The following DCAF6 variants were observed in gnomAD, a reference collection of about 807,000 sequenced individuals.
The protein encoded by DCAF6 is DDB1 and CUL4 associated factor 6.
DCAF6 carries 54 observed loss-of-function variants against 125.1 expected under a neutral mutation model. That is an observed-to-expected ratio of 0.43 (90% CI 0.35 to 0.54). The LOEUF (loss-of-function observed/expected upper bound fraction) is 0.54. Ranked by LOEUF, DCAF6 falls within the 20% of genes least tolerant of loss-of-function variation. The pLI is 0.01. For missense variants in DCAF6, 934 were observed against 1,161.7 expected (o/e 0.80, Z 2.85); for synonymous variants, 371 against 390.4 (o/e 0.95, Z 0.58).
chr1:167,950,219 A>G (rs1174970347), intron 1 of DCAF6, among the ~76,000 whole-genome samples: 1 of 152,348 alleles, frequency 6.6e-6, no homozygotes, highest in Non-Finnish European at 1.5e-5. Flanking sequence ...AATTGCTGTC[A>G]TATTGTTAAT....
chr1:167,950,785 G>C (rs975895991), intron 1 of DCAF6, among the ~76,000 whole-genome samples: 2 of 152,018 alleles, frequency 1.3e-5, no homozygotes, highest in African/African-American at 4.8e-5. Flanking sequence ...ATCTGTGTTT[G>C]GTAAAGATGA....
At chr1:167,895,930 G>A in the DCAF6 span, among the ~76,000 whole-genome samples, 1 of 152,156 alleles carries the variant, frequency 6.6e-6, no homozygotes, top group African/African-American at 2.4e-5. Context: ...CTGAAAATAG[G>A]TGATTTGAGA....
chr1:168,017,487 G>A (rs770904428), intron 11 of DCAF6, among the ~76,000 whole-genome samples: 2 of 151,996 alleles, frequency 1.3e-5, no homozygotes, highest in African/African-American at 4.8e-5. Context: ...ACTAGTTCAC[G>A]GATTTGAATT....
chr1:167,929,368 A>T, the DCAF6 span, among the ~76,000 whole-genome samples: 1 of 148,668 alleles, frequency 6.7e-6, no homozygotes, highest in Non-Finnish European at 1.5e-5. Flanking sequence ...TCGAAAAAAG[A>T]AAAAAAAAAG....
intron 12 of DCAF6, among the ~76,000 whole-genome samples, chr1:168,029,222 T>A (rs1300536297): frequency 6.6e-6 from 1 of 152,244 alleles, no homozygotes; most frequent in East Asian, 1.9e-4. Context: ...TGACATTTAT[T>A]GAGTTTTTTG....
the DCAF6 span, among the ~76,000 whole-genome samples, chr1:167,891,278 C>T: frequency 2.6e-5 from 4 of 151,854 alleles, no homozygotes; most frequent in African/African-American, 4.8e-5. Flanking sequence ...ATTTAATCTG[C>T]CACACTCTCC....
At chr1:167,930,208 T>G in the DCAF6 span, among the ~76,000 whole-genome samples, 2 of 152,212 alleles carry the variant, frequency 1.3e-5, no homozygotes, top group African/African-American at 2.4e-5. Flanking sequence ...AGATAATGTT[T>G]TTAAAAATGT....
intron 6 of DCAF6, 48 bp from the exon 7 acceptor site, chr1:167,993,178 T>C (rs865966002): frequency 6.7e-7 from 1 of 1,495,150 alleles, no homozygotes; most frequent in Middle Eastern, 1.8e-4. Flanking sequence ...AAAAATGTTT[T>C]TCTTTAAAAC....
chr1:168,036,377 C>T (rs191551350), intron 12 of DCAF6, among the ~76,000 whole-genome samples: 9 of 152,350 alleles, frequency 5.9e-5, no homozygotes, highest in East Asian at 5.8e-4. Context: ...TTCAGTCTTA[C>T]ACTTCTCTCA....
the DCAF6 span, among the ~76,000 whole-genome samples, chr1:167,897,603 G>A: frequency 5.3e-3 from 108 of 20,456 alleles, 54 homozygotes; most frequent in African/African-American, 0.02. Flanking sequence ...AACCAGAGAT[G>A]TGTGTGACAA....
At chr1:167,896,743 C>A in the DCAF6 span, 1 of 1,261,324 alleles carries the variant, frequency 7.9e-7, no homozygotes, top group South Asian at 1.2e-5. Context: ...CTGTTTAATC[C>A]TTTGAAGTGT....
Position 167,963,418 on chromosome 1 carries a change from T to C in DCAF6, c.160-3211T>C, listed in dbSNP as rs1359606345. On this transcript the variant is annotated intron_variant, in intron 2 of 21. Transcript: ENST00000367840. ...TTTTTGTTTTCCATTCTTCTGCCTTTTGTGTTTTTTTTGTTTCTGTTTTTT... is the reference window on the plus strand; with the variant it reads ...TTTTTGTTTTCCATTCTTCTGCCTTCTGTGTTTTTTTTGTTTCTGTTTTTT... 2.1e-5 allele frequency among the ~76,000 whole-genome samples: 3 copies of C among 146,264 alleles called. 1 individual carries two copies. The highest frequency in any genetic ancestry group is 1.4e-4 in the Admixed American group (2 of 13,948).
At chr1:168,057,602 T>C (rs1385937376) in intron 17 of DCAF6, among the ~76,000 whole-genome samples, 1 of 152,214 alleles carries the variant, frequency 6.6e-6, no homozygotes, top group Non-Finnish European at 1.5e-5. Context: ...AAACCTGTTA[T>C]GTGCTAGATA....
At chr1:167,940,667 T>C (rs1473110555) in intron 1 of DCAF6, among the ~76,000 whole-genome samples, 1 of 152,170 alleles carries the variant, frequency 6.6e-6, no homozygotes, top group Non-Finnish European at 1.5e-5. Flanking sequence ...CCCATATATA[T>C]ACGGTTTTGT....
At chr1:167,908,190 GAT>G in the DCAF6 span, among the ~76,000 whole-genome samples, 4 of 152,102 alleles carry the variant, frequency 2.6e-5, no homozygotes, top group Admixed American at 6.6e-5. Flanking sequence ...GAAAACATTG[GAT>G]AATGTATACA....
chr1:168,004,046 GC>G (rs1191151313), intron 9 of DCAF6, 57 bp downstream of exon 9: 13 of 1,578,536 alleles, frequency 8.2e-6, no homozygotes, highest in Middle Eastern at 1.8e-4. Context: ...ACTTATTGAA[GC>G]CAGTTTTTAT....
At chr1:167,915,270 A>C in the DCAF6 span, among the ~76,000 whole-genome samples, 2 of 152,230 alleles carry the variant, frequency 1.3e-5, no homozygotes, top group East Asian at 1.9e-4. Flanking sequence ...TAAAGAATTT[A>C]TCTCTTATTG....
intron 17 of DCAF6, among the ~76,000 whole-genome samples, chr1:168,052,680 C>CT (rs1690097398): frequency 6.6e-6 from 1 of 152,204 alleles, no homozygotes; most frequent in Non-Finnish European, 1.5e-5. Context: ...TCATTAGGGA[C>CT]TGTCTTACAA....
the DCAF6 span, among the ~76,000 whole-genome samples, chr1:167,921,148 C>G: frequency 6.6e-6 from 1 of 151,744 alleles, no homozygotes; most frequent in African/African-American, 2.4e-5. Context: ...TTGTGTGATG[C>G]TGAGGTTTGG....
Sources: allele counts gnomAD v4.1 joint callset (sites outside exome capture counted in the v4.1 genomes callset), GRCh38; gene constraint gnomAD v4.1.1; transcripts MANE v1.5; gene names NCBI Gene and HGNC (gene_info 2026-07-23, HGNC 2026-07-21).